Variants in TBKBP1 observed in about 807,000 individuals in gnomAD.
TBKBP1 encodes TANK-binding kinase 1-binding protein 1.
Under a neutral mutation model 69.9 loss-of-function variants are expected in TBKBP1, and 47 were observed. That is an observed-to-expected ratio of 0.67 (90% CI 0.53 to 0.86). TBKBP1 has a LOEUF of 0.86. Ranked by LOEUF, TBKBP1 falls within the 40% of genes least tolerant of loss-of-function variation. The pLI is 0.00. For missense variants in TBKBP1, 831 were observed against 858.6 expected, an observed-to-expected ratio of 0.97 and a Z score of 0.40; for synonymous variants, 418 against 390.3, an observed-to-expected ratio of 1.07 and a Z score of -0.84.
chr17:47,698,975 C>T (rs943175129), intron 5 of TBKBP1, among the ~76,000 whole-genome samples, 200 bp downstream of exon 5: 1 of 152,112 alleles, frequency 6.6e-6, no homozygotes, highest in Non-Finnish European at 1.5e-5. Flanking sequence ...CATTCCTGAT[C>T]ACCTCGTTGC....
chr17:47,706,258 A>T (rs1288170972), intron 7 of TBKBP1, among the ~76,000 whole-genome samples: 6 of 152,080 alleles, frequency 3.9e-5, no homozygotes, highest in African/African-American at 1.4e-4. Context: ...TGCCAAGGAG[A>T]TAGCACGATC....
chr17:47,701,998 C>T (rs892987122), intron 7 of TBKBP1, among the ~76,000 whole-genome samples: 2 of 152,362 alleles, frequency 1.3e-5, no homozygotes, highest in Non-Finnish European at 2.9e-5. Flanking sequence ...CCCAGCCACA[C>T]GCTTCCTTTC....
rs1397962489 is a variant in TBKBP1, at chr17:47,696,176, G to A, written c.64G>A (p.Val22Met). 6.2e-7 allele frequency: 1 copy of A among 1,613,608 alleles called. No homozygotes were observed. Among genetic ancestry groups the A allele is most frequent in the African/African-American group, 1.3e-5 (1 of 74,930 alleles). ...LTQEALGPSE[V>M]WLDSPGDPSL... ...GCAGGAGGCCCTGGGGCCTAGTGAG[G>A]TGTGGCTGGACAGTCCCGGAGACCC... Residue 22 changes from valine to methionine, a missense_variant, in exon 2 of 10, where the codon GTG becomes ATG. Transcript: ENST00000578982.
rs1467136640 is a variant in TBKBP1 at position 47,708,797 on chromosome 17, G to A, written c.1064G>A (p.Arg355Gln). 12 of 439,802 alleles carry A rather than the reference G, an allele frequency of 2.7e-5. No individual in the cohort carries two copies. Among genetic ancestry groups the A allele is most frequent in the African/African-American group, 1.7e-4 (3 of 17,528 alleles). The allele number at this position is 439,802 out of a possible 1,614,324, so 27.2% of individuals were successfully genotyped here. ...TGCCCCTCCCCCTCCCCGCCTGCCC[G>A]AGCGGCTCCCCCGTGCCCCCCGTGC... The part of the protein sequence containing the change: ...PQCPSPSPPA[R>Q]AAPPCPPCQS... The change falls in exon 9 of 10, where the codon CGA becomes CAA. Residue 355 changes from arginine (R) to glutamine (Q), a missense_variant. By Grantham distance (43) the Arg-to-Gln change is conservative. Coordinates refer to ENST00000578982, the MANE Select transcript of TBKBP1 (RefSeq NM_001394755.1). This position sits in a 1 kb window ranked among gnomAD's most constrained non-coding sequence, Gnocchi z 4.4.
At chr17:47,698,066 A>G (rs2031322387) in intron 4 of TBKBP1, among the ~76,000 whole-genome samples, 1 of 151,806 alleles carries the variant, frequency 6.6e-6, no homozygotes, top group African/African-American at 2.4e-5. Context: ...GGCAAATATT[A>G]ACACCCTCAC....
At chr17:47,703,090 C>T (rs1383757885) in intron 7 of TBKBP1, among the ~76,000 whole-genome samples, 1 of 152,008 alleles carries the variant, frequency 6.6e-6, no homozygotes, top group Non-Finnish European at 1.5e-5. Flanking sequence ...GTGCGGGGTC[C>T]ATCTGGGAGA....
intron 7 of TBKBP1, among the ~76,000 whole-genome samples, chr17:47,700,476 C>T (rs927175030): frequency 6.6e-6 from 1 of 151,626 alleles, no homozygotes; most frequent in Non-Finnish European, 1.5e-5. Context: ...GTGACACTTA[C>T]TCGGCTGCTT....
At chr17:47,700,272 A>G (rs1256021834) in intron 7 of TBKBP1, among the ~76,000 whole-genome samples, 5 of 111,086 alleles carry the variant, frequency 4.5e-5, no homozygotes, top group African/African-American at 1.7e-4. Flanking sequence ...TATAGGAGTG[A>G]GCCACTGCGC....
rs2031518200 is a variant in TBKBP1, at chr17:47,701,833, C to G, written c.872+2136C>G. Reference sequence around the variant, plus strand: ...TCTCTCTCAAGGCTCCTGCCCTTCTCAGGCCCTTTGGCTGGAGGGAGCTGG... The same window carrying G: ...TCTCTCTCAAGGCTCCTGCCCTTCTGAGGCCCTTTGGCTGGAGGGAGCTGG... On this transcript the variant is annotated intron_variant, in intron 7 of 9. Transcript: ENST00000578982. Among the ~76,000 whole-genome samples the G allele has an allele frequency of 1.3e-5, 2 of 152,248 alleles. 1 individual carries two copies. The highest frequency in any genetic ancestry group is 1.3e-4 in the Admixed American group (2 of 15,288).
intron 1 of TBKBP1, among the ~76,000 whole-genome samples, chr17:47,694,411 G>A (rs557057558): frequency 1.3e-5 from 2 of 151,962 alleles, no homozygotes; most frequent in South Asian, 4.2e-4. Context: ...CCCCTTCCCC[G>A]GCCCCGAGAG....
chr17:47,707,285 C>T (rs2031732612), intron 7 of TBKBP1, among the ~76,000 whole-genome samples: 1 of 152,196 alleles, frequency 6.6e-6, no homozygotes, highest in African/African-American at 2.4e-5. Flanking sequence ...AAGCAGAGAG[C>T]AGTGGAGTGA....
chr17:47,708,947 C>A lies in TBKBP1; in HGVS notation c.1214C>A (p.Ser405Ter). 1 of 1,233,520 alleles carries A rather than the reference C, an allele frequency of 8.1e-7. No individual in the cohort carries two copies. Among genetic ancestry groups the A allele is most frequent in the Non-Finnish European group, 1.0e-6 (1 of 980,056 alleles). The allele number at this position is 1,233,520 out of a possible 1,614,324, so 76.4% of individuals were successfully genotyped here. A position where few individuals can be genotyped will look rare whatever the true frequency, so the allele number is the denominator to read the frequency against. Residue 405 changes from serine to a stop codon, truncating the protein, a stop_gained, in exon 9 of 10, where the codon TCG becomes TAG. Coordinates refer to ENST00000578982, the MANE Select transcript of TBKBP1 (RefSeq NM_001394755.1). LOFTEE classifies it high-confidence loss of function. This position sits in a 1 kb window ranked among gnomAD's most constrained non-coding sequence, Gnocchi z 4.4. ...VPQRRSPVPPSCQSPSPQRRS... is the reference protein window; with the variant it reads ...VPQRRSPVPP ...CAGCGCCGCTCGCCGGTGCCGCCGT[C>A]GTGCCAGTCCCCCAGCCCGCAGCGC... is the stretch of plus-strand genomic sequence containing the variant.
In TBKBP1 at chr17:47,708,336, C is replaced by T. The variant is rs79191176; in HGVS notation, c.873-58C>T. On this transcript the variant is annotated intron_variant, in intron 7 of 9. Transcript: ENST00000578982. This position sits in a 1 kb window ranked among gnomAD's most constrained non-coding sequence, Gnocchi z 4.4. Reference sequence around the variant, plus strand: ...TGGGGTAGAGCCAGTTCTTCCTCCACAGCTGGGACGGTAGACCCACTGCCC... The same window carrying T: ...TGGGGTAGAGCCAGTTCTTCCTCCATAGCTGGGACGGTAGACCCACTGCCC... The T allele has an allele frequency of 0.014, 22,761 of 1,579,336 alleles. 229 individuals are homozygous for T. Among genetic ancestry groups the T allele is most frequent in the Non-Finnish European group, 0.016 (18,804 of 1,151,744 alleles).
Position 47,709,399 on chromosome 17 carries a change from G to A in TBKBP1, c.1666G>A (p.Ala556Thr), listed in dbSNP as rs200773924. ...CAGFPIPESP[A>T]ATAYAHAEHA... ...GGGCTTCCCCATCCCCGAGTCGCCCGCCGCCACCGCCTACGCCCACGCCGA... is the reference window on the plus strand; with the variant it reads ...GGGCTTCCCCATCCCCGAGTCGCCCACCGCCACCGCCTACGCCCACGCCGA... Residue 556 changes from alanine to threonine, a missense_variant, in exon 9 of 10, where the codon GCC becomes ACC. Coordinates refer to ENST00000578982, the MANE Select transcript of TBKBP1 (RefSeq NM_001394755.1). 910 of 1,536,070 alleles carry A rather than the reference G, an allele frequency of 5.9e-4. No homozygotes were observed. The highest frequency in any genetic ancestry group is 7.6e-4 in the Non-Finnish European group (873 of 1,148,988).
chr17:47,702,339 A>G (rs2031539065), intron 7 of TBKBP1, among the ~76,000 whole-genome samples: 1 of 152,128 alleles, frequency 6.6e-6, no homozygotes, highest in East Asian at 1.9e-4. Flanking sequence ...GAGGAGGACC[A>G]GGATATGAAG....
At position 47,708,407 on chromosome 17, in the gene TBKBP1, C is replaced by T. The variant is rs200861164; in HGVS notation, c.886C>T (p.Leu296=). The T allele has an allele frequency of 2.5e-6, 4 of 1,613,876 alleles. No individual in the cohort carries two copies. In the East Asian group the frequency reaches 8.9e-5, roughly 36 times the overall value. Residue 296 remains leucine (L), a synonymous_variant, in exon 8 of 10, where the codon CTG becomes TTG. Coordinates refer to ENST00000578982, the MANE Select transcript of TBKBP1 (RefSeq NM_001394755.1). The surrounding 1 kb of genome is among the most constrained non-coding windows in gnomAD (Gnocchi z 4.4). ...CTCTGACTTCAGGGTGAATTTGGCG[C>T]TGGCCTACACCGAGCTGACGGAGGA... is the stretch of plus-strand genomic sequence containing the variant. ...RVGDDQVNLA[L]AYTELTEELG...
chr17:47,704,806 AGTGT>A (rs2031640824), intron 7 of TBKBP1, among the ~76,000 whole-genome samples: 1 of 150,384 alleles, frequency 6.6e-6, no homozygotes, highest in African/African-American at 2.5e-5. Flanking sequence ...CGTTTCCAGA[AGTGT>A]GTGAGATCTG....
Position 47,696,232 on chromosome 17 carries a change from C to T in TBKBP1, c.120C>T (p.Ser40=), listed in dbSNP as rs574120716. 16 of 1,613,754 alleles carry T rather than the reference C, an allele frequency of 9.9e-6. No homozygotes were observed. Among genetic ancestry groups the T allele is most frequent in the African/African-American group, 6.7e-5 (5 of 75,046 alleles). The change falls in exon 2 of 10, where the codon TCC becomes TCT. Residue 40 remains serine (S), a synonymous_variant. Transcript: ENST00000578982. ...TTGGGGGCGACATGTGCTCCGCCTC[C>T]CACTTTGCCCTCATCACTGCTTACG... is the stretch of plus-strand genomic sequence containing the variant. ...PSLGGDMCSA[S]HFALITAYGD... is the part of the protein sequence containing the mutation.
At chr17:47,699,079 G>A (rs1175051812) in intron 5 of TBKBP1, among the ~76,000 whole-genome samples, 1 of 152,094 alleles carries the variant, frequency 6.6e-6, no homozygotes, top group Non-Finnish European at 1.5e-5. Flanking sequence ...AGATGCTCTA[G>A]ACTTGAGTCT....
Sources: allele counts gnomAD v4.1 joint callset (sites outside exome capture counted in the v4.1 genomes callset), GRCh38; gene constraint gnomAD v4.1.1; non-coding constraint Gnocchi (gnomAD v3.1); transcripts MANE v1.5; gene names NCBI Gene and HGNC (gene_info 2026-07-23, HGNC 2026-07-21).